The following SOX5 variants were observed in gnomAD, a reference collection of about 807,000 sequenced individuals.
The protein encoded by SOX5 is transcription factor SOX-5.
Under a neutral mutation model 92.0 loss-of-function variants are expected in SOX5, and 9 were observed. The ratio of observed to expected loss-of-function variants is 0.10; its 90% confidence interval spans 0.06 to 0.17. The LOEUF (loss-of-function observed/expected upper bound fraction) is 0.17, where lower values mean the gene tolerates loss of function less well. Among genes scored for constraint, SOX5 ranks in the 10% least tolerant of loss-of-function variants. SOX5 has a pLI of 1.00. For missense variants in SOX5, 642 were observed against 944.5 expected, an observed-to-expected ratio of 0.68 and a Z score of 4.20; for synonymous variants, 344 against 336.3, an observed-to-expected ratio of 1.02 and a Z score of -0.25.
intron 9 of SOX5, among the ~76,000 whole-genome samples, chr12:23,594,889 T>C (rs901058036): frequency 6.6e-6 from 1 of 152,134 alleles, no homozygotes; most frequent in African/African-American, 2.4e-5. Flanking sequence ...TCCTTAGACC[T>C]TTACAGGTGT....
chr12:23,619,747 C>T (rs2076963672), intron 8 of SOX5, among the ~76,000 whole-genome samples: 1 of 152,136 alleles, frequency 6.6e-6, no homozygotes, highest in South Asian at 2.1e-4. Flanking sequence ...CTTTTGGCTA[C>T]TGCCAGTAAA....
intron 4 of SOX5, among the ~76,000 whole-genome samples, chr12:24,128,667 C>T (rs1949348417): frequency 6.6e-6 from 1 of 152,122 alleles, no homozygotes; most frequent in South Asian, 2.1e-4. Flanking sequence ...ATGGAAGTGA[C>T]AGAGGTAAGC....
intron 1 of SOX5, among the ~76,000 whole-genome samples, chr12:24,466,593 A>C (rs749576455): frequency 1.9e-4 from 29 of 152,188 alleles, no homozygotes; most frequent in Non-Finnish European, 3.7e-4. Flanking sequence ...CATGGAGTAG[A>C]AGTAGACGCT....
intron 1 of SOX5, among the ~76,000 whole-genome samples, chr12:24,423,264 T>C (rs1440133945): frequency 6.6e-6 from 1 of 152,216 alleles, no homozygotes; most frequent in Non-Finnish European, 1.5e-5. Flanking sequence ...GTGACATTTA[T>C]AAAGTCTCAA....
At chr12:23,949,447 T>C in intron 1 of SOX5, 117 bp downstream of exon 1, 1 of 1,245,904 alleles carries the variant, frequency 8.0e-7, no homozygotes, top group Non-Finnish European at 1.2e-6. Flanking sequence ...GCAGAAGCCC[T>C]AGCTAAAGGC....
intron 9 of SOX5, among the ~76,000 whole-genome samples, chr12:23,578,143 A>AAAAAAAAAAC (rs1321080744): frequency 1.3e-4 from 16 of 126,202 alleles, no homozygotes; most frequent in Admixed American, 2.5e-4. Flanking sequence ...AAAAAAAAAA[A>AAAAAAAAAAC]AAAAAAACTA....
intron 4 of SOX5, among the ~76,000 whole-genome samples, 161 bp from the exon 5 acceptor site, chr12:23,741,200 T>C (rs1437446465): frequency 1.3e-5 from 2 of 152,182 alleles, no homozygotes; most frequent in Non-Finnish European, 2.9e-5. Context: ...CAGTAAAAAG[T>C]GATGGCAATT....
At chr12:24,041,065 C>CA (rs1002566037) in intron 4 of SOX5, among the ~76,000 whole-genome samples, 1 of 152,038 alleles carries the variant, frequency 6.6e-6, no homozygotes, top group African/African-American at 2.4e-5. Flanking sequence ...TACCAATAAT[C>CA]AAAAATACTA....
At chr12:24,268,226 C>G (rs997705919) in intron 3 of SOX5, among the ~76,000 whole-genome samples, 1 of 152,074 alleles carries the variant, frequency 6.6e-6, no homozygotes, top group African/African-American at 2.4e-5. Flanking sequence ...TTTATGCTAA[C>G]CTATTCAGAT....
intron 4 of SOX5, among the ~76,000 whole-genome samples, chr12:24,138,607 T>C (rs12819448): frequency 0.22 from 33,918 of 152,130 alleles, 4,131 homozygotes; most frequent in African/African-American, 0.32. Flanking sequence ...GGGGGATGGG[T>C]ATGGGGAAAA....
At chr12:23,541,638 C>T (rs779893360) in intron 13 of SOX5, among the ~76,000 whole-genome samples, 2 of 152,190 alleles carry the variant, frequency 1.3e-5, no homozygotes, top group Admixed American at 6.5e-5. Flanking sequence ...TTTTTACACA[C>T]AGATTTTCAT....
chr12:24,094,830 C>T (rs1945124955), intron 4 of SOX5, among the ~76,000 whole-genome samples: 1 of 151,974 alleles, frequency 6.6e-6, no homozygotes, highest in African/African-American at 2.4e-5. Flanking sequence ...CTACTCTGGC[C>T]CATAAGATTA....
chr12:23,859,608 A>G (rs541798104), intron 2 of SOX5, among the ~76,000 whole-genome samples: 4 of 152,050 alleles, frequency 2.6e-5, no homozygotes, highest in Admixed American at 2.6e-4. Flanking sequence ...GTGATCTTTT[A>G]TTGCCCTCTG....
intron 4 of SOX5, among the ~76,000 whole-genome samples, chr12:24,002,090 T>G (rs990902642): frequency 2.6e-5 from 4 of 152,036 alleles, no homozygotes; most frequent in African/African-American, 9.7e-5. Context: ...TTAAGCACTA[T>G]AGTAGAAAAT....
intron 6 of SOX5, among the ~76,000 whole-genome samples, chr12:23,666,419 G>A (rs1287868446): frequency 6.6e-6 from 1 of 152,090 alleles, no homozygotes; most frequent in Non-Finnish European, 1.5e-5. Flanking sequence ...GAGCCGAAAA[G>A]GAATTTTTAG....
chr12:24,437,149 C>A (rs553829872), intron 1 of SOX5, among the ~76,000 whole-genome samples: 1 of 151,504 alleles, frequency 6.6e-6, no homozygotes, highest in Non-Finnish European at 1.5e-5. Flanking sequence ...ATTCTGCAAC[C>A]TGCAGATCAA....
At chr12:24,110,025 C>T (rs928821337) in intron 4 of SOX5, among the ~76,000 whole-genome samples, 2 of 152,196 alleles carry the variant, frequency 1.3e-5, no homozygotes, top group Non-Finnish European at 2.9e-5. Flanking sequence ...TTGGAGGACA[C>T]ATTCAGATCA....
At chr12:24,258,407 TTAAG>T (rs1334582050) in intron 3 of SOX5, among the ~76,000 whole-genome samples, 4 of 152,218 alleles carry the variant, frequency 2.6e-5, no homozygotes, top group East Asian at 1.9e-4. Context: ...TTGAAAACTA[TTAAG>T]TATTATAAAA....
At chr12:23,887,485 T>C (rs1370440538) in intron 2 of SOX5, among the ~76,000 whole-genome samples, 4 of 152,212 alleles carry the variant, frequency 2.6e-5, no homozygotes. Flanking sequence ...CCTTAATGCA[T>C]GTCTGAGAAT....
Sources: allele counts gnomAD v4.1 joint callset (sites outside exome capture counted in the v4.1 genomes callset), GRCh38; gene constraint gnomAD v4.1.1; transcripts MANE v1.5; gene names NCBI Gene and HGNC (gene_info 2026-07-23, HGNC 2026-07-21).